PRMT8: variants seen among roughly 807,000 people sequenced by gnomAD.
PRMT8 encodes the protein protein arginine N-methyltransferase 8.
In PRMT8, 7 loss-of-function variants were observed where a neutral mutation model predicts 47.1. The ratio of observed to expected loss-of-function variants is 0.15; its 90% confidence interval spans 0.08 to 0.28. The LOEUF is 0.28. Ranked by LOEUF, PRMT8 falls within the 10% of genes least tolerant of loss-of-function variation. The probability of loss-of-function intolerance (pLI) is 1.00; values close to 1 mark genes in which losing one functional copy is unlikely to be tolerated. For synonymous variants in PRMT8, 188 were observed against 186.5 expected, an observed-to-expected ratio of 1.01 and a Z score of -0.07; for missense variants, 237 against 505.4, an observed-to-expected ratio of 0.47 and a Z score of 5.09.
rs1867352698 is a variant in PRMT8 at position 3,593,294 on chromosome 12, C to G, written c.*112C>G. 4 of 912,488 alleles carry G rather than the reference C, an allele frequency of 4.4e-6. No homozygotes were observed. The highest frequency in any genetic ancestry group is 3.2e-5 in the South Asian group (2 of 63,220). 56.5% of individuals were successfully genotyped at this position (912,488 alleles called of 1,614,324 possible). ...CTACACACTTGAAAACCAGAGTTTTCAACTCTGCCTTGAAGATTGGTGAAC... is the reference window on the plus strand; with the variant it reads ...CTACACACTTGAAAACCAGAGTTTTGAACTCTGCCTTGAAGATTGGTGAAC... On this transcript the variant is annotated 3_prime_UTR_variant, in exon 10 of 10. Coordinates refer to ENST00000382622, the MANE Select transcript of PRMT8 (RefSeq NM_019854.5). The surrounding 1 kb of genome is among the most constrained non-coding windows in gnomAD (Gnocchi z 4.8).
At chr12:3,407,994 A>G (rs1167601224) in intron 1 of PRMT8, among the ~76,000 whole-genome samples, 2 of 151,796 alleles carry the variant, frequency 1.3e-5, no homozygotes, top group African/African-American at 4.8e-5. Flanking sequence ...GTTCTGTTTT[A>G]TGATATCTCT....
At chr12:3,515,625 A>G (rs1865779282) in intron 1 of PRMT8, among the ~76,000 whole-genome samples, 1 of 152,250 alleles carries the variant, frequency 6.6e-6, no homozygotes, top group Admixed American at 6.5e-5. Flanking sequence ...GATTGTGGAC[A>G]TGCTGGCTTG....
Position 3,589,761 on chromosome 12 carries a change from G to A in PRMT8, c.980-2470G>A, listed in dbSNP as rs139477787. ...AATCATCTTCCTCCAACTCAAAGTC[G>A]GCATGTTTTGGGGACTACCATCAGA... is the stretch of plus-strand genomic sequence containing the variant. On this transcript the variant is annotated intron_variant, in intron 8 of 9. Transcript: ENST00000382622. Among the ~76,000 whole-genome samples the A allele has an allele frequency of 3.7e-3, 565 of 152,240 alleles. 3 individuals are homozygous for A. The highest frequency in any genetic ancestry group is 0.012 in the African/African-American group (511 of 41,542).
rs538225983 is a variant in PRMT8 at position 3,427,534 on chromosome 12, C to T, written c.48+46092C>T. Among the ~76,000 whole-genome samples, 46 of 151,846 alleles carry T rather than the reference C, an allele frequency of 3.0e-4. No individual in the cohort carries two copies. The South Asian group carries it at 8.1e-3, about 27-fold the overall frequency. On this transcript the variant is annotated intron_variant, in intron 1 of 9. Transcript: ENST00000452611. ...TAGGTAAAAATTCACATTCTTATGC[C>T]GTCTTGTAATTCTTTTACCAGAGGT...
At chr12:3,396,819 G>C (rs547534829) in intron 1 of PRMT8, among the ~76,000 whole-genome samples, 1 of 151,896 alleles carries the variant, frequency 6.6e-6, no homozygotes, top group Non-Finnish European at 1.5e-5. Context: ...TTCCAACTTG[G>C]TTCCATTCTC....
intron 4 of PRMT8, among the ~76,000 whole-genome samples, chr12:3,563,036 A>G (rs901177517): frequency 1.3e-5 from 2 of 151,986 alleles, no homozygotes; most frequent in Admixed American, 1.3e-4. Flanking sequence ...CCAAGCCCAC[A>G]TGATCATCTG....
chr12:3,545,624 G>A (rs1866313615), intron 2 of PRMT8, among the ~76,000 whole-genome samples: 1 of 152,170 alleles, frequency 6.6e-6, no homozygotes, highest in Non-Finnish European at 1.5e-5. Context: ...ATAACAGAAA[G>A]AGAAGTTGGG....
At chr12:3,412,540 GCA>G (rs1864441432) in intron 1 of PRMT8, among the ~76,000 whole-genome samples, 1 of 152,016 alleles carries the variant, frequency 6.6e-6, no homozygotes, top group African/African-American at 2.4e-5. Flanking sequence ...TTAGCTTAAA[GCA>G]CACATTGTAC....
In PRMT8 at chr12:3,535,291, A is replaced by T. The variant is rs1179450651; in HGVS notation, c.76-5315A>T. 1.3e-5 allele frequency among the ~76,000 whole-genome samples: 2 copies of T among 152,226 alleles called. No homozygotes were observed. Among genetic ancestry groups the T allele is most frequent in the Non-Finnish European group, 2.9e-5 (2 of 68,040 alleles). On this transcript the variant is annotated intron_variant, in intron 1 of 9. Coordinates refer to ENST00000382622, the MANE Select transcript of PRMT8 (RefSeq NM_019854.5). The surrounding 1 kb of genome is among the most constrained non-coding windows in gnomAD (Gnocchi z 4.7). The stretch of plus-strand genomic sequence containing the variant: ...CTGTTCACCCCAGTAGAGTGGGTAG[A>T]CTAAGACAATCGCACTTTATTTATT...
chr12:3,450,055 C>A (rs771141543), intron 1 of PRMT8, among the ~76,000 whole-genome samples: 18 of 152,134 alleles, frequency 1.2e-4, no homozygotes, highest in Non-Finnish European at 2.4e-4. Context: ...TATTCTGTTG[C>A]CATATCTTGT....
intron 1 of PRMT8, among the ~76,000 whole-genome samples, chr12:3,458,681 G>A (rs1340583079): frequency 6.6e-6 from 1 of 152,226 alleles, no homozygotes; most frequent in Non-Finnish European, 1.5e-5. Flanking sequence ...CTTTCTTAAT[G>A]AAATCAGACC....
chr12:3,496,910 C>A (rs1865518336), intron 1 of PRMT8, among the ~76,000 whole-genome samples: 1 of 142,300 alleles, frequency 7.0e-6, no homozygotes, highest in Admixed American at 7.0e-5. Flanking sequence ...TAAGAAGATA[C>A]CCAATTTTTT....
intron 2 of PRMT8, among the ~76,000 whole-genome samples, chr12:3,541,046 T>C (rs985144348): frequency 2.6e-5 from 4 of 152,086 alleles, no homozygotes; most frequent in African/African-American, 9.7e-5. Context: ...GTGCTTACGG[T>C]CCATTTGTTT....
chr12:3,528,062 C>T (rs56921822), intron 1 of PRMT8, among the ~76,000 whole-genome samples: 2,527 of 152,168 alleles, frequency 0.017, 77 homozygotes, highest in African/African-American at 0.056. Flanking sequence ...TCCCCCTCTA[C>T]CCCTGCCACT....
At chr12:3,540,821 G>A in intron 2 of PRMT8, 30 bp downstream of exon 2, 1 of 1,600,692 alleles carries the variant, frequency 6.2e-7, no homozygotes, top group Non-Finnish European at 8.5e-7. Context: ...TGGCTAATGG[G>A]GCGAGGCTGA....
In PRMT8 at chr12:3,463,174, G is replaced by T. The variant is rs191704143; in HGVS notation, c.49-77432G>T. Among the ~76,000 whole-genome samples, 941 of 152,262 alleles carry T rather than the reference G, an allele frequency of 6.2e-3. 7 individuals carry two copies. Among genetic ancestry groups the T allele is most frequent in the Non-Finnish European group, 0.01 (687 of 68,024 alleles). ...CATTTTACAGACTGAGGAAATTAAG[G>T]TTAAGTAATTTGCCCGAGTCTCACA... On this transcript the variant is annotated intron_variant, in intron 1 of 9. Transcript: ENST00000452611.
rs535472156 is a variant in PRMT8 at position 3,570,295 on chromosome 12, C to T, written c.712+731C>T. Among the ~76,000 whole-genome samples, 10 of 152,336 alleles carry T rather than the reference C, an allele frequency of 6.6e-5. No individual in the cohort carries two copies. The highest frequency in any genetic ancestry group is 6.2e-4 in the South Asian group (3 of 4,828). On this transcript the variant is annotated intron_variant, in intron 6 of 9. Transcript: ENST00000382622. This position sits in a 1 kb window ranked among gnomAD's most constrained non-coding sequence, Gnocchi z 5.5. ...ATTTCTCGTAAAGGGTGACACTTCT[C>T]TGTGACACAGGCCTGATCCTTAATG...
chr12:3,402,392 A>G (rs1029757768), intron 1 of PRMT8, among the ~76,000 whole-genome samples: 2 of 152,236 alleles, frequency 1.3e-5, no homozygotes, highest in Non-Finnish European at 2.9e-5. Context: ...GATCTAGGCA[A>G]TGCCATTCAG....
At chr12:3,462,623 CA>C (rs1267403512) in intron 1 of PRMT8, 2 of 151,998 alleles carry the variant, frequency 1.3e-5, no homozygotes, top group Non-Finnish European at 2.9e-5. Context: ...CCACCTTCCT[CA>C]GATGAAAGCT....
Sources: gnomAD v4.1 joint callset for allele counts (sites outside exome capture counted in the v4.1 genomes callset) on GRCh38, gnomAD v4.1.1 for gene constraint, Gnocchi (gnomAD v3.1) non-coding constraint, MANE v1.5 for transcripts, NCBI Gene and HGNC (gene_info 2026-07-23, HGNC 2026-07-21) for gene names.